HMGCS1: variants seen among roughly 807,000 people sequenced by gnomAD.
The protein encoded by HMGCS1 is hydroxymethylglutaryl-CoA synthase, cytoplasmic.
In HMGCS1, 9 loss-of-function variants were observed where a neutral mutation model predicts 52.3. The observed-to-expected ratio is 0.17, with a 90% CI of 0.10 to 0.30. The LOEUF is 0.30. Among genes scored for constraint, HMGCS1 ranks in the 10% least tolerant of loss-of-function variants. HMGCS1 has a pLI of 1.00. For missense variants in HMGCS1, 320 were observed against 620.9 expected (o/e 0.52, Z 5.15); for synonymous variants, 176 against 214.4 (o/e 0.82, Z 1.57).
chr5:43,310,219 T>A (rs979768999), intron 1 of HMGCS1, among the ~76,000 whole-genome samples: 2 of 152,218 alleles, frequency 1.3e-5, no homozygotes, highest in African/African-American at 4.8e-5. Context: ...CCCTGCCTCC[T>A]CCCAGAGTTA....
rs746174600 is a variant in HMGCS1, at chr5:43,287,635, C to A, written c.*3496G>T. 2 of 152,192 alleles carry A rather than the reference C, an allele frequency of 1.3e-5. No homozygotes were observed. The highest frequency in any genetic ancestry group is 2.4e-5 in the African/African-American group (1 of 41,440). The allele number at this position is 152,192 out of a possible 1,614,324, so 9.4% of individuals were successfully genotyped here. A position where few individuals can be genotyped will look rare whatever the true frequency, so the allele number is the denominator to read the frequency against. On this transcript the variant is annotated 3_prime_UTR_variant, in exon 11 of 11. Coordinates refer to ENST00000325110, the MANE Select transcript of HMGCS1 (RefSeq NM_001098272.3). ...ACGAAATGCATTTCAGAACTGTCTG[C>A]CCAGGTGATGAAAAGAGTAATCAGT...
At chr5:43,292,184 G>T (rs1438267696) in intron 10 of HMGCS1, among the ~76,000 whole-genome samples, 2 of 151,442 alleles carry the variant, frequency 1.3e-5, no homozygotes, top group Non-Finnish European at 2.9e-5. Context: ...GTAGAGACAG[G>T]GTTTCACCAT....
At chr5:43,312,128 C>T (rs1754901728) in intron 1 of HMGCS1, among the ~76,000 whole-genome samples, 1 of 152,228 alleles carries the variant, frequency 6.6e-6, no homozygotes, top group African/African-American at 2.4e-5. Context: ...TCAACTGCCT[C>T]TCATCTAATA....
At chr5:43,311,483 T>C (rs998319239) in intron 1 of HMGCS1, among the ~76,000 whole-genome samples, 2 of 152,202 alleles carry the variant, frequency 1.3e-5, no homozygotes, top group Non-Finnish European at 2.9e-5. Context: ...TAAGGCTATA[T>C]TCCTTTCTAA....
At chr5:43,312,924 A>G (rs550719635) in intron 1 of HMGCS1, 2 of 152,254 alleles carry the variant, frequency 1.3e-5, no homozygotes, top group East Asian at 3.9e-4. Context: ...TCTAAAGAGG[A>G]TCTTGCCCAT....
At chr5:43,300,641 T>C (rs549716383) in intron 2 of HMGCS1, among the ~76,000 whole-genome samples, 65 of 151,476 alleles carry the variant, frequency 4.3e-4, no homozygotes, top group African/African-American at 1.6e-3. Context: ...AAAATTTTTT[T>C]AAAATGAGCT....
intron 1 of HMGCS1, among the ~76,000 whole-genome samples, chr5:43,310,746 G>C (rs1754819985): frequency 6.6e-6 from 1 of 152,108 alleles, no homozygotes; most frequent in Non-Finnish European, 1.5e-5. Context: ...ATAATGTCTA[G>C]TTTAAAGAAA....
chr5:43,294,554 G>A, intron 7 of HMGCS1, 137 bp downstream of exon 7: 1 of 579,588 alleles, frequency 1.7e-6, no homozygotes, highest in Non-Finnish European at 3.0e-6. Flanking sequence ...CAAGTCAATG[G>A]ACAATAGCAG....
rs77753955 is a variant in HMGCS1 at position 43,303,407 on chromosome 5, G to A, written c.-11+4359C>T. Reference sequence around the variant, plus strand: ...TGCTGTCATACTCTCTCTATGCCATGTGAGGACACGGGCAATCCAGGAGGA... The same window carrying A: ...TGCTGTCATACTCTCTCTATGCCATATGAGGACACGGGCAATCCAGGAGGA... On this transcript the variant is annotated intron_variant, in intron 2 of 10. Transcript: ENST00000325110. Among the ~76,000 whole-genome samples, 878 of 152,366 alleles carry A rather than the reference G, an allele frequency of 5.8e-3. 9 individuals carry two copies. Among genetic ancestry groups the A allele is most frequent in the African/African-American group, 0.018 (759 of 41,586 alleles).
intron 6 of HMGCS1, among the ~76,000 whole-genome samples, chr5:43,295,115 T>G (rs1465193987): frequency 6.6e-6 from 1 of 152,258 alleles, no homozygotes; most frequent in Non-Finnish European, 1.5e-5. Context: ...TGTAGCTTTA[T>G]ATTTATATTC....
chr5:43,290,963 G>C lies in HMGCS1; in HGVS notation c.*168C>G. 1 of 565,666 alleles carries C rather than the reference G, an allele frequency of 1.8e-6. No homozygotes were observed. Among genetic ancestry groups the C allele is most frequent in the Non-Finnish European group, 3.2e-6 (1 of 314,746 alleles). 35.0% of individuals were successfully genotyped at this position (565,666 alleles called of 1,614,324 possible). A position where few individuals can be genotyped will look rare whatever the true frequency, so the allele number is the denominator to read the frequency against. The stretch of plus-strand genomic sequence containing the variant: ...AGCATGTCAGCAAATAGAGCAAAGA[G>C]ACTTTCCCAAGTACACGATAGTCAT... On this transcript the variant is annotated 3_prime_UTR_variant, in exon 11 of 11. Coordinates refer to ENST00000325110, the MANE Select transcript of HMGCS1 (RefSeq NM_001098272.3).
Position 43,297,023 on chromosome 5 carries a change from T to C in HMGCS1, c.718A>G (p.Ile240Val). 1 of 1,613,820 alleles carries C rather than the reference T, an allele frequency of 6.2e-7. No homozygotes were observed. The highest frequency in any genetic ancestry group is 8.5e-7 in the Non-Finnish European group (1 of 1,179,858). The change falls in exon 5 of 11, where the codon ATC becomes GTC. Residue 240 changes from isoleucine (I) to valine (V), a missense_variant. Ile to Val is a conservative substitution (Grantham distance 29). Transcript: ENST00000325110. ...TTACCTTTCTGCCACTGGGCATGGA[T>C]CTTTTTGCAGTAGACAGAATAGCAG... ...DRCYSVYCKK[I>V]HAQWQKEGND... is the part of the protein sequence containing the mutation.
At chr5:43,301,991 T>G (rs1754342053) in intron 2 of HMGCS1, among the ~76,000 whole-genome samples, 1 of 152,244 alleles carries the variant, frequency 6.6e-6, no homozygotes, top group East Asian at 1.9e-4. Context: ...CTGTTTACTT[T>G]ATGCCCTTTT....
Position 43,292,458 on chromosome 5 carries a change from G to A in HMGCS1, c.1473+16C>T. On this transcript the variant is annotated intron_variant, in intron 10 of 10. Coordinates refer to ENST00000325110, the MANE Select transcript of HMGCS1 (RefSeq NM_001098272.3). The stretch of plus-strand genomic sequence containing the variant: ...CCTAAACCCTAAGATATGGAGATGG[G>A]AACTCTTTTATTTACCTCAGTTGCT... The A allele has an allele frequency of 3.1e-6, 5 of 1,608,678 alleles. No homozygotes were observed. The highest frequency in any genetic ancestry group is 4.3e-6 in the Non-Finnish European group (5 of 1,175,532).
rs1753580797 is a variant in HMGCS1, at chr5:43,288,189, C to T, written c.*2942G>A. ...TAAAAGATAAAGCCCCAATATATAA[C>T]CCATCTGAGGATTTCTAATCATAAT... On this transcript the variant is annotated 3_prime_UTR_variant, in exon 11 of 11. Coordinates refer to ENST00000325110, the MANE Select transcript of HMGCS1 (RefSeq NM_001098272.3). The T allele has an allele frequency of 3.3e-5, 5 of 152,160 alleles. No individual in the cohort carries two copies. The allele number at this position is 152,160 out of a possible 1,614,324, so 9.4% of individuals were successfully genotyped here. A position where few individuals can be genotyped will look rare whatever the true frequency, so the allele number is the denominator to read the frequency against.
intron 9 of HMGCS1, 84 bp from the exon 10 acceptor site, chr5:43,292,721 C>CTTTAATTA: frequency 2.7e-6 from 4 of 1,501,624 alleles, no homozygotes; most frequent in Non-Finnish European, 3.7e-6. Flanking sequence ...TTTCATATAT[C>CTTTAATTA]CCAATAATTT....
In HMGCS1 at chr5:43,298,561, A is replaced by T; in HGVS notation, c.405T>A (p.Ala135=). Residue 135 remains alanine (A), a synonymous_variant, in exon 3 of 11, where the codon GCT becomes GCA. Coordinates refer to ENST00000325110, the MANE Select transcript of HMGCS1 (RefSeq NM_001098272.3). The surrounding 1 kb of genome is among the most constrained non-coding windows in gnomAD (Gnocchi z 5.6). ...CAATCCAGTTAACAGCATTGAAGAC[A>T]GCAGCTGTGCCTCCATAGCATGCAT... ...TTNACYGGTA[A]VFNAVNWIES... is the part of the protein sequence containing the mutation. 6.2e-7 allele frequency: 1 copy of T among 1,614,146 alleles called. No individual in the cohort carries two copies. Among genetic ancestry groups the T allele is most frequent in the Non-Finnish European group, 8.5e-7 (1 of 1,179,956 alleles).
intron 2 of HMGCS1, among the ~76,000 whole-genome samples, chr5:43,301,683 G>C (rs1419535711): frequency 6.6e-6 from 1 of 152,192 alleles, no homozygotes; most frequent in African/African-American, 2.4e-5. Flanking sequence ...TACAGTCACT[G>C]GTGCTGTGAA....
intron 1 of HMGCS1, among the ~76,000 whole-genome samples, chr5:43,311,141 A>G (rs1754842745): frequency 1.3e-5 from 2 of 152,292 alleles, no homozygotes; most frequent in African/African-American, 4.8e-5. Flanking sequence ...TCTGACCAAC[A>G]TGGTGACACC....
Sources: allele counts gnomAD v4.1 joint callset (sites outside exome capture counted in the v4.1 genomes callset), GRCh38; gene constraint gnomAD v4.1.1; non-coding constraint Gnocchi (gnomAD v3.1); transcripts MANE v1.5; gene names NCBI Gene and HGNC (gene_info 2026-07-23, HGNC 2026-07-21).